The following SNTG1 variants were observed in gnomAD, a reference collection of about 807,000 sequenced individuals.
SNTG1 encodes syntrophin gamma 1.
In SNTG1, 39 loss-of-function variants were observed where a neutral mutation model predicts 74.7. That is an observed-to-expected ratio of 0.52 (90% confidence interval 0.40 to 0.68). The LOEUF (loss-of-function observed/expected upper bound fraction) is 0.68. Ranked by LOEUF, SNTG1 falls within the 30% of genes least tolerant of loss-of-function variation. The pLI is 0.00. For synonymous variants in SNTG1, 254 were observed against 217.1 expected, an observed-to-expected ratio of 1.17 and a Z score of -1.49; for missense variants, 685 against 609.5, an observed-to-expected ratio of 1.12 and a Z score of -1.30.
chr8:49,973,885 G>T (rs1208309263), intron 1 of SNTG1, among the ~76,000 whole-genome samples: 3 of 152,136 alleles, frequency 2.0e-5, no homozygotes, highest in Admixed American at 6.5e-5. Context: ...ACGACATTAA[G>T]TTCTGTGTTT....
intron 18 of SNTG1, among the ~76,000 whole-genome samples, chr8:50,783,281 C>G: frequency 6.6e-6 from 1 of 152,198 alleles, no homozygotes; most frequent in East Asian, 1.9e-4. Flanking sequence ...TTTTGTTTGT[C>G]TGTGCCCTGC....
At chr8:50,224,451 G>C (rs560817505) in intron 2 of SNTG1, among the ~76,000 whole-genome samples, 64 of 152,258 alleles carry the variant, frequency 4.2e-4, no homozygotes, top group African/African-American at 1.4e-3. Context: ...AGTTTTCAAA[G>C]GAAGACTCAG....
At chr8:50,552,056 C>A (rs1212103646) in intron 11 of SNTG1, among the ~76,000 whole-genome samples, 1 of 152,116 alleles carries the variant, frequency 6.6e-6, no homozygotes, top group Admixed American at 6.6e-5. Context: ...TTGGAGAAAA[C>A]ATATAAATTT....
At chr8:50,679,962 C>A (rs1276168417) in intron 15 of SNTG1, among the ~76,000 whole-genome samples, 4 of 152,088 alleles carry the variant, frequency 2.6e-5, no homozygotes, top group African/African-American at 9.7e-5. Context: ...TGTATTTGGG[C>A]AAGGGGACCT....
At chr8:50,246,468 C>T (rs4300017) in intron 2 of SNTG1, among the ~76,000 whole-genome samples, 136,921 of 151,872 alleles carry the variant, frequency 0.9, 62,953 homozygotes, top group East Asian at 1. Flanking sequence ...ATCCACTCTT[C>T]TTAACATTAC....
At chr8:50,439,987 T>C (rs1447396824) in intron 5 of SNTG1, among the ~76,000 whole-genome samples, 2 of 151,682 alleles carry the variant, frequency 1.3e-5, no homozygotes. Flanking sequence ...TATCTATTTT[T>C]ACTAAAATGC....
chr8:50,100,493 C>T (rs1348631899), intron 1 of SNTG1, among the ~76,000 whole-genome samples: 2 of 152,012 alleles, frequency 1.3e-5, no homozygotes, highest in Non-Finnish European at 2.9e-5. Context: ...GATTTGATCA[C>T]TATGCACTGT....
chr8:50,611,934 T>C (rs981269128), intron 13 of SNTG1, among the ~76,000 whole-genome samples: 15 of 152,044 alleles, frequency 9.9e-5, no homozygotes, highest in African/African-American at 3.4e-4. Context: ...GTACAGCTAT[T>C]TTTTGTGGAG....
chr8:50,103,968 T>C (rs941678521), intron 1 of SNTG1, among the ~76,000 whole-genome samples: 5 of 152,188 alleles, frequency 3.3e-5, no homozygotes, highest in Non-Finnish European at 4.4e-5. Flanking sequence ...TTTGCCAGTA[T>C]TTTATTGAGG....
intron 2 of SNTG1, among the ~76,000 whole-genome samples, chr8:50,174,467 G>A (rs565254946): frequency 3.0e-4 from 45 of 152,228 alleles, no homozygotes; most frequent in Admixed American, 7.2e-4. Context: ...GTGTAAAAGC[G>A]TTAAACAGTT....
At chr8:50,307,073 A>C (rs747356270) in intron 2 of SNTG1, among the ~76,000 whole-genome samples, 1 of 152,014 alleles carries the variant, frequency 6.6e-6, no homozygotes, top group Non-Finnish European at 1.5e-5. Flanking sequence ...TTTCATTTAT[A>C]TATGGTGTTT....
intron 13 of SNTG1, among the ~76,000 whole-genome samples, chr8:50,625,080 T>C (rs58778503): frequency 0.043 from 6,554 of 152,270 alleles, 245 homozygotes; most frequent in African/African-American, 0.094. Flanking sequence ...AGATTAATGA[T>C]AATAACCAAG....
chr8:49,991,454 A>G (rs1813681530), intron 1 of SNTG1, among the ~76,000 whole-genome samples: 1 of 152,182 alleles, frequency 6.6e-6, no homozygotes, highest in African/African-American at 2.4e-5. Flanking sequence ...CCCAAGAGAA[A>G]TGATAACATA....
At chr8:50,715,737 C>T (rs1350153284) in intron 17 of SNTG1, among the ~76,000 whole-genome samples, 1 of 152,126 alleles carries the variant, frequency 6.6e-6, no homozygotes, top group Non-Finnish European at 1.5e-5. Context: ...TGCAAACTTA[C>T]ATTCTGAGAA....
At chr8:50,742,515 G>T (rs928036896) in intron 17 of SNTG1, among the ~76,000 whole-genome samples, 1 of 151,620 alleles carries the variant, frequency 6.6e-6, no homozygotes, top group Admixed American at 6.6e-5. Flanking sequence ...AGTACTAAAA[G>T]GGAAACTTGT....
chr8:50,608,980 A>T (rs1451739553), intron 13 of SNTG1, among the ~76,000 whole-genome samples: 1 of 151,996 alleles, frequency 6.6e-6, no homozygotes, highest in Admixed American at 6.6e-5. Flanking sequence ...ATTTTGCTGC[A>T]TTGCAGTATA....
chr8:50,170,873 G>C (rs1052339097), intron 1 of SNTG1, among the ~76,000 whole-genome samples: 4 of 152,134 alleles, frequency 2.6e-5, no homozygotes, highest in African/African-American at 9.7e-5. Context: ...GGAGGACTTG[G>C]GCATGCAACC....
intron 1 of SNTG1, among the ~76,000 whole-genome samples, chr8:50,022,745 G>A (rs1437685125): frequency 6.6e-6 from 1 of 152,166 alleles, no homozygotes; most frequent in Non-Finnish European, 1.5e-5. Flanking sequence ...TTAGGAAATA[G>A]TGTCCATGTT....
intron 1 of SNTG1, among the ~76,000 whole-genome samples, chr8:50,106,884 T>A (rs1160116029): frequency 6.6e-6 from 1 of 152,150 alleles, no homozygotes; most frequent in Non-Finnish European, 1.5e-5. Context: ...TATCTGAAAA[T>A]CATTATATAA....
Sources: allele counts gnomAD v4.1 joint callset (sites outside exome capture counted in the v4.1 genomes callset), GRCh38; gene constraint gnomAD v4.1.1; transcripts MANE v1.5; gene names NCBI Gene and HGNC (gene_info 2026-07-23, HGNC 2026-07-21).